The following GRM4 variants were observed in gnomAD, a reference collection of about 807,000 sequenced individuals.
GRM4 encodes the protein glutamate metabotropic receptor 4.
GRM4 carries 28 observed loss-of-function variants against 81.7 expected under a neutral mutation model. That is an observed-to-expected ratio of 0.34 (90% CI 0.25 to 0.47). The LOEUF (loss-of-function observed/expected upper bound fraction) is 0.47, where lower values mean the gene tolerates loss of function less well. Ranked by LOEUF, GRM4 falls within the 20% of genes least tolerant of loss-of-function variation. The pLI is 1.00. For synonymous variants in GRM4, 488 were observed against 528.8 expected (o/e 0.92, Z 1.06); for missense variants, 948 against 1,290.0 (o/e 0.73, Z 4.06).
intron 2 of GRM4, 41 bp downstream of exon 2, chr6:34,132,937 T>G: frequency 6.6e-7 from 1 of 1,519,188 alleles, no homozygotes; most frequent in Non-Finnish European, 8.9e-7. Flanking sequence ...GCAGAGTCCG[T>G]TGGGGGAAGA....
At chr6:34,132,323 G>A (rs185009558) in intron 2 of GRM4, among the ~76,000 whole-genome samples, 329 of 152,190 alleles carry the variant, frequency 2.2e-3, no homozygotes, top group African/African-American at 6.6e-3. Context: ...CAGTTTTCCC[G>A]TCCTCATCTG....
chr6:34,091,927 C>T lies in GRM4; in HGVS notation c.692G>A (p.Gly231Asp). The change falls in exon 3 of 11, where the codon GGT becomes GAT. Residue 231 changes from glycine (G) to aspartate (D), a missense_variant. Coordinates refer to ENST00000538487, the MANE Select transcript of GRM4 (RefSeq NM_000841.4). ...GATGAAGGCCTCCACACCGCTCTCA[C>T]CATAGCTGCCCTCCGAGGCCACTGT... ...VSTVASEGSY[G>D]ESGVEAFIQK... The T allele has an allele frequency of 6.2e-7, 1 of 1,614,102 alleles. No individual in the cohort carries two copies. Among genetic ancestry groups the T allele is most frequent in the Non-Finnish European group, 8.5e-7 (1 of 1,179,986 alleles).
Position 34,074,529 on chromosome 6 carries a change from T to A in GRM4, c.737-12501A>T, listed in dbSNP as rs1184439285. ...TGTGGCTCAGAGCTGAGCCCTGCCG[T>A]CCCCTGCCAGGAGAGGAGGCTGCTG... On this transcript the variant is annotated intron_variant, in intron 3 of 10. Coordinates refer to ENST00000538487, the MANE Select transcript of GRM4 (RefSeq NM_000841.4). This position sits in a 1 kb window ranked among gnomAD's most constrained non-coding sequence, Gnocchi z 4.9. 7.2e-6 allele frequency among the ~76,000 whole-genome samples: 1 copy of A among 139,304 alleles called. No individual in the cohort carries two copies. Among genetic ancestry groups the A allele is most frequent in the Non-Finnish European group, 1.5e-5 (1 of 65,788 alleles). 91.4% of individuals were successfully genotyped at this position (139,304 alleles called of 152,430 possible).
At chr6:34,134,553 GTGGACCC>G (rs1356754702) in intron 1 of GRM4, among the ~76,000 whole-genome samples, 2 of 152,092 alleles carry the variant, frequency 1.3e-5, no homozygotes, top group African/African-American at 4.8e-5. Flanking sequence ...GGAGCGCAAG[GTGGACCC>G]TGTACTCTCC....
At chr6:34,135,111 G>A (rs1770407917) in intron 1 of GRM4, among the ~76,000 whole-genome samples, 1 of 152,232 alleles carries the variant, frequency 6.6e-6, no homozygotes, top group African/African-American at 2.4e-5. Flanking sequence ...GCAGTTGGAA[G>A]AGGAGCTTGT....
At chr6:34,145,414 A>G (rs1263631053) in intron 1 of GRM4, among the ~76,000 whole-genome samples, 1 of 152,072 alleles carries the variant, frequency 6.6e-6, no homozygotes, top group East Asian at 1.9e-4. Context: ...AGCCGGAAGG[A>G]GCGGGAGAGG....
intron 9 of GRM4, among the ~76,000 whole-genome samples, chr6:34,030,706 T>TG (rs200366575): frequency 0.011 from 1,696 of 152,326 alleles, 15 homozygotes; most frequent in East Asian, 0.026. Context: ...TTCTGAACAG[T>TG]GGGCCCTTCG....
intron 3 of GRM4, chr6:34,091,566 G>A (rs1403529119): frequency 5.4e-5 from 18 of 336,148 alleles, no homozygotes; most frequent in East Asian, 1.6e-4. Context: ...AAGGCCCCTC[G>A]TCCCCACCCC....
chr6:34,076,853 T>C (rs1005046044), intron 3 of GRM4, among the ~76,000 whole-genome samples: 2 of 151,704 alleles, frequency 1.3e-5, no homozygotes, highest in Non-Finnish European at 2.9e-5. Flanking sequence ...GCCTCAACGC[T>C]TGGGGGCTTG....
intron 3 of GRM4, among the ~76,000 whole-genome samples, chr6:34,072,637 C>CCACACA (rs568587611): frequency 1.7e-5 from 1 of 58,102 alleles, no homozygotes; most frequent in East Asian, 4.5e-4. Context: ...TAGATACACA[C>CCACACA]CACACACACA....
intron 1 of GRM4, among the ~76,000 whole-genome samples, chr6:34,143,557 A>G (rs1244905592): frequency 6.6e-6 from 1 of 152,136 alleles, no homozygotes; most frequent in Non-Finnish European, 1.5e-5. Context: ...TCCCCTCTTC[A>G]TGAAAGCTTC....
At chr6:34,045,690 G>A (rs564487397) in intron 6 of GRM4, among the ~76,000 whole-genome samples, 15 of 152,338 alleles carry the variant, frequency 9.8e-5, no homozygotes, top group African/African-American at 3.4e-4. Context: ...TCTAGAACAG[G>A]AAGGTGGCAG....
rs184711450 is a variant in GRM4 at position 34,137,679 on chromosome 6, G to C, written c.-363-3820C>G. ...ACTCACTGCAGCCTCAACCTCTCAG[G>C]CTCAAGCGATCCTCCTACCTCAGCC... On this transcript the variant is annotated intron_variant, in intron 1 of 10. Transcript: ENST00000538487. Among the ~76,000 whole-genome samples, 158 of 152,026 alleles carry C rather than the reference G, an allele frequency of 1.0e-3. 1 individual carries two copies. The highest frequency in any genetic ancestry group is 6.2e-3 in the South Asian group (30 of 4,810).
chr6:34,106,748 G>A (rs979220918), intron 2 of GRM4, among the ~76,000 whole-genome samples: 4 of 152,222 alleles, frequency 2.6e-5, no homozygotes, highest in Admixed American at 6.5e-5. Flanking sequence ...GGGATTTGTC[G>A]GCCTTGCTCA....
rs904521687 is a variant in GRM4 at position 34,133,747 on chromosome 6, C to T, written c.-251G>A. ...GTTGCAGGAAGGCTCTGATCCTTGT[C>T]CCGTCCTGCAGGCCTGTTCTCGGTG... is the stretch of plus-strand genomic sequence containing the variant. On this transcript the variant is annotated 5_prime_UTR_variant, in exon 2 of 11. Coordinates refer to ENST00000538487, the MANE Select transcript of GRM4 (RefSeq NM_000841.4). The surrounding 1 kb of genome is among the most constrained non-coding windows in gnomAD (Gnocchi z 6.5). 4.0e-6 allele frequency: 5 copies of T among 1,263,118 alleles called. No individual in the cohort carries two copies. The African/African-American group carries it at 6.1e-5, about 15-fold the overall frequency. The allele number at this position is 1,263,118 out of a possible 1,614,324, so 78.2% of individuals were successfully genotyped here. A position where few individuals can be genotyped will look rare whatever the true frequency, so the allele number is the denominator to read the frequency against.
At chr6:34,038,575 G>T (rs888454441) in intron 8 of GRM4, among the ~76,000 whole-genome samples, 1 of 152,224 alleles carries the variant, frequency 6.6e-6, no homozygotes. Context: ...CCAGGTAGGT[G>T]GTTACAGGTA....
At chr6:34,056,421 T>C in intron 6 of GRM4, 123 bp downstream of exon 6, 2 of 775,318 alleles carry the variant, frequency 2.6e-6, no homozygotes, top group Non-Finnish European at 3.9e-6. Flanking sequence ...CAGGCCCAAC[T>C]GCACGTCCTG....
intron 2 of GRM4, among the ~76,000 whole-genome samples, chr6:34,094,234 G>A (rs979168491): frequency 1.3e-5 from 2 of 152,208 alleles, no homozygotes; most frequent in Non-Finnish European, 2.9e-5. Context: ...TGCCTCAGGG[G>A]AGGAAAGCAA....
At position 34,028,340 on chromosome 6, in the gene GRM4, C is replaced by T. The variant is rs538220499; in HGVS notation, c.2469G>A (p.Thr823=). The change falls in exon 10 of 11, where the codon ACG becomes ACA. Residue 823 remains threonine, a synonymous_variant. Transcript: ENST00000538487. ...DKLYIQTTTL[T]VSVSLSASVS... ...CCGAGGCGCTCAGACTCACCGAGAC[C>T]GTCAGCGTCGTCGTCTGGATGTACA... is the stretch of plus-strand genomic sequence containing the variant. The T allele has an allele frequency of 9.1e-5, 146 of 1,611,390 alleles. 1 individual carries two copies. The South Asian group carries it at 1.3e-3, about 15-fold the overall frequency.
Sources: allele counts gnomAD v4.1 joint callset (sites outside exome capture counted in the v4.1 genomes callset), GRCh38; gene constraint gnomAD v4.1.1; non-coding constraint Gnocchi (gnomAD v3.1); transcripts MANE v1.5; gene names NCBI Gene and HGNC (gene_info 2026-07-23, HGNC 2026-07-21).